Variants in PSD3 observed in about 807,000 individuals in gnomAD.
PSD3 encodes the protein PH and SEC7 domain-containing protein 3.
A neutral mutation model predicts 105.5 loss-of-function variants in PSD3; 49 were observed. The ratio of observed to expected loss-of-function variants is 0.46; its 90% CI spans 0.37 to 0.59. The LOEUF (loss-of-function observed/expected upper bound fraction) is 0.59. Ranked by LOEUF, PSD3 falls within the 20% of genes least tolerant of loss-of-function variation. PSD3 has a pLI of 0.00. For synonymous variants in PSD3, 557 were observed against 457.8 expected, an observed-to-expected ratio of 1.22 and a Z score of -2.77; for missense variants, 1,561 against 1,263.8, an observed-to-expected ratio of 1.24 and a Z score of -3.57.
intron 8 of PSD3, among the ~76,000 whole-genome samples, chr8:18,797,667 A>G (rs970020716): frequency 3.3e-5 from 5 of 152,190 alleles, no homozygotes; most frequent in Admixed American, 3.3e-4. Flanking sequence ...TATTAAAGCT[A>G]TATTAGCTTT....
At chr8:18,916,343 TATATATACACAC>T (rs1820599059) in intron 2 of PSD3, among the ~76,000 whole-genome samples, 1 of 46,762 alleles carries the variant, frequency 2.1e-5, no homozygotes, top group Non-Finnish European at 3.7e-5. Context: ...TATATATATA[TATATATACACAC>T]ACACACACAC....
intron 9 of PSD3, among the ~76,000 whole-genome samples, chr8:18,735,716 T>G (rs1305506681): frequency 6.6e-6 from 1 of 152,082 alleles, no homozygotes; most frequent in Non-Finnish European, 1.5e-5. Context: ...GCAGTTAGAA[T>G]CAGTACAAAT....
At chr8:18,920,833 AT>A (rs1266369729) in intron 2 of PSD3, among the ~76,000 whole-genome samples, 1 of 152,114 alleles carries the variant, frequency 6.6e-6, no homozygotes, top group Non-Finnish European at 1.5e-5. Context: ...AATCACTGTG[AT>A]AACTAAAAAT....
At position 18,741,370 on chromosome 8, in the gene PSD3, G is replaced by A. The variant is rs1585794989; in HGVS notation, c.2172+24079C>T. Among the ~76,000 whole-genome samples, 11 of 152,272 alleles carry A rather than the reference G, an allele frequency of 7.2e-5. 1 individual carries two copies. The South Asian group carries it at 2.3e-3, about 32-fold the overall frequency. On this transcript the variant is annotated intron_variant, in intron 9 of 15. Transcript: ENST00000327040. ...TCAGGGTCAGAACTTTAACCAAGAT[G>A]ATGTGACTCCAAGAGTCCATTGATC...
chr8:18,564,852 G>A (rs920772073), intron 14 of PSD3, among the ~76,000 whole-genome samples: 6 of 152,198 alleles, frequency 3.9e-5, no homozygotes, highest in South Asian at 4.1e-4. Flanking sequence ...TTACTTCAGC[G>A]TGAGAATCAA....
intron 11 of PSD3, among the ~76,000 whole-genome samples, chr8:18,603,470 G>T (rs1469031612): frequency 6.6e-6 from 1 of 151,984 alleles, no homozygotes; most frequent in Non-Finnish European, 1.5e-5. Context: ...AGGGTCTTTT[G>T]GTGGCCAATC....
chr8:18,929,092 T>C (rs928875250), intron 2 of PSD3, among the ~76,000 whole-genome samples: 3 of 152,194 alleles, frequency 2.0e-5, no homozygotes, highest in Admixed American at 6.5e-5. Flanking sequence ...AATGGATGAA[T>C]TGTATGGTTT....
At position 18,528,374 on chromosome 8, in the gene PSD3, G is replaced by A. The variant is rs1799511388; in HGVS notation, c.*7369C>T. The A allele has an allele frequency of 6.6e-6, 1 of 152,210 alleles. No individual in the cohort carries two copies. Among genetic ancestry groups the A allele is most frequent in the South Asian group, 2.1e-4 (1 of 4,832 alleles). The allele number at this position is 152,210 out of a possible 1,614,324, so 9.4% of individuals were successfully genotyped here. ...AGGGTGCCAGTTTGTTTTTTGCAAA[G>A]GTAAAATACGTGGTGTTAACTTCAC... is the stretch of plus-strand genomic sequence containing the variant. On this transcript the variant is annotated 3_prime_UTR_variant, in exon 16 of 16. Transcript: ENST00000327040.
At chr8:18,694,446 T>A (rs1801149475) in intron 9 of PSD3, among the ~76,000 whole-genome samples, 1 of 152,046 alleles carries the variant, frequency 6.6e-6, no homozygotes, top group Non-Finnish European at 1.5e-5. Flanking sequence ...CTGTCTCTAT[T>A]AAAAATACAA....
intron 1 of PSD3, among the ~76,000 whole-genome samples, chr8:19,048,479 C>T (rs1002442957): frequency 6.6e-6 from 1 of 152,188 alleles, no homozygotes; most frequent in African/African-American, 2.4e-5. Flanking sequence ...GGGGGCTCAG[C>T]TGCTGAATTA....
intron 1 of PSD3, among the ~76,000 whole-genome samples, chr8:18,959,184 G>A (rs1320698536): frequency 6.6e-6 from 1 of 152,198 alleles, no homozygotes; most frequent in African/African-American, 2.4e-5. Context: ...GCCTCCCAAA[G>A]TGCTGGGATT....
intron 9 of PSD3, among the ~76,000 whole-genome samples, chr8:18,703,458 T>G (rs1277957376): frequency 2.0e-5 from 3 of 152,220 alleles, no homozygotes; most frequent in Admixed American, 2.0e-4. Context: ...GGTTGGACTC[T>G]GAGGGGATCA....
intron 1 of PSD3, among the ~76,000 whole-genome samples, chr8:18,985,108 A>G (rs1825437093): frequency 6.6e-6 from 1 of 152,038 alleles, no homozygotes; most frequent in African/African-American, 2.4e-5. Flanking sequence ...TAATTTTTAT[A>G]TTTTTAGTGG....
Position 18,859,753 on chromosome 8 carries a change from TG to T in PSD3, c.1634+7920del, listed in dbSNP as rs563609492. ...GCTTTTTGGCTGCAGCTCCCTCACCTGTCTCAGCTTTCAGAGAATTGAAGAG... is the reference window on the plus strand; with the variant it reads ...GCTTTTTGGCTGCAGCTCCCTCACCTTCTCAGCTTTCAGAGAATTGAAGAG... On this transcript the variant is annotated intron_variant, in intron 4 of 15. Transcript: ENST00000327040. 2.1e-3 allele frequency among the ~76,000 whole-genome samples: 317 copies of T among 152,356 alleles called. 1 individual carries two copies. Among genetic ancestry groups the T allele is most frequent in the African/African-American group, 7.2e-3 (299 of 41,588 alleles).
intron 1 of PSD3, among the ~76,000 whole-genome samples, chr8:18,987,310 C>T (rs1329867792): frequency 3.4e-5 from 5 of 148,912 alleles, no homozygotes; most frequent in East Asian, 4.0e-4. Context: ...TTTTTTAAGA[C>T]GGAGTCTCGC....
intron 14 of PSD3, among the ~76,000 whole-genome samples, chr8:18,561,774 G>C (rs755771646): frequency 5.7e-4 from 86 of 152,040 alleles, no homozygotes; most frequent in South Asian, 6.2e-4. Context: ...AAAATATTAA[G>C]CTCTAATGTC....
intron 1 of PSD3, among the ~76,000 whole-genome samples, chr8:18,992,773 C>T (rs1825872458): frequency 6.6e-6 from 1 of 151,542 alleles, no homozygotes; most frequent in African/African-American, 2.4e-5. Flanking sequence ...TTGAAGTCAA[C>T]ACCTGAGTAC....
intron 1 of PSD3, among the ~76,000 whole-genome samples, chr8:19,034,823 C>T (rs867812206): frequency 1.3e-5 from 2 of 152,128 alleles, no homozygotes; most frequent in African/African-American, 2.4e-5. Flanking sequence ...GCAAAACTCC[C>T]GTTCTTCCAC....
At chr8:18,930,847 C>A (rs544802291) in intron 2 of PSD3, among the ~76,000 whole-genome samples, 2 of 152,276 alleles carry the variant, frequency 1.3e-5, no homozygotes, top group African/African-American at 2.4e-5. Flanking sequence ...GGATTACAGG[C>A]ATGAGCCACT....
Sources: allele counts gnomAD v4.1 joint callset (sites outside exome capture counted in the v4.1 genomes callset), GRCh38; gene constraint gnomAD v4.1.1; transcripts MANE v1.5; gene names NCBI Gene and HGNC (gene_info 2026-07-23, HGNC 2026-07-21).